The following SEZ6L variants were observed in gnomAD, a reference collection of about 807,000 sequenced individuals.
SEZ6L encodes seizure related 6 homolog like.
SEZ6L carries 37 observed loss-of-function variants against 106.2 expected under a neutral mutation model. That is an observed-to-expected ratio of 0.35 (90% CI 0.27 to 0.46). SEZ6L has a LOEUF of 0.46. Among genes scored for constraint, SEZ6L ranks in the 20% least tolerant of loss-of-function variants. The pLI, the probability that SEZ6L is intolerant of heterozygous loss-of-function variation, is 1.00. For synonymous variants in SEZ6L, 541 were observed against 570.4 expected (o/e 0.95, Z 0.73); for missense variants, 1,172 against 1,332.8 (o/e 0.88, Z 1.88).
intron 10 of SEZ6L, among the ~76,000 whole-genome samples, chr22:26,340,879 G>A (rs369119937): frequency 1.1e-4 from 16 of 152,216 alleles, no homozygotes; most frequent in African/African-American, 3.9e-4. Flanking sequence ...CCTTCTTTTT[G>A]TCATCTGTAA....
At chr22:26,250,340 A>G (rs1044672649) in intron 1 of SEZ6L, among the ~76,000 whole-genome samples, 1 of 152,148 alleles carries the variant, frequency 6.6e-6, no homozygotes, top group Non-Finnish European at 1.5e-5. Flanking sequence ...TGATTTTTGT[A>G]TATGATAAGA....
At chr22:26,245,973 C>G (rs950069438) in intron 1 of SEZ6L, among the ~76,000 whole-genome samples, 5 of 152,192 alleles carry the variant, frequency 3.3e-5, no homozygotes, top group Admixed American at 2.0e-4. Context: ...ACGTGAAACT[C>G]TATGCCAAAG....
intron 1 of SEZ6L, among the ~76,000 whole-genome samples, chr22:26,278,975 AGGGAGGGAGGG>A: frequency 8.9e-6 from 1 of 111,800 alleles, no homozygotes; most frequent in Non-Finnish European, 1.9e-5. Context: ...AGAGGAAGGG[AGGGAGGGAGGG>A]AGGAAGGAAG....
chr22:26,199,237 G>A lies in SEZ6L; in HGVS notation c.94+29474G>A, dbSNP rs138107631. 5.6e-4 allele frequency among the ~76,000 whole-genome samples: 86 copies of A among 152,242 alleles called. 1 individual carries two copies. In the East Asian group the frequency reaches 0.014, roughly 26 times the overall value. Reference sequence around the variant, plus strand: ...CAATTACTGAGTTAAAGCCTATGGCGCAAAAATGAAGAACCATACCCAGCG... The same window carrying A: ...CAATTACTGAGTTAAAGCCTATGGCACAAAAATGAAGAACCATACCCAGCG... On this transcript the variant is annotated intron_variant, in intron 1 of 16. Transcript: ENST00000248933.
rs897248631 is a variant in SEZ6L, at chr22:26,381,753, A to G, written c.*1458A>G. 3.7e-6 allele frequency: 1 copy of G among 267,414 alleles called. No homozygotes were observed. The highest frequency in any genetic ancestry group is 4.5e-5 in the Admixed American group (1 of 22,288). The allele number at this position is 267,414 out of a possible 1,614,324, so 16.6% of individuals were successfully genotyped here. A position where few individuals can be genotyped will look rare whatever the true frequency, so the allele number is the denominator to read the frequency against. ...GGTGCGGGTGCATGGAAGAAATACT[A>G]TGTGTGAAGCAGATTCACCTTCCTG... On this transcript the variant is annotated 3_prime_UTR_variant, in exon 17 of 17. Transcript: ENST00000248933.
rs1397999021 is a variant in SEZ6L, at chr22:26,377,757, C to T, written c.3027C>T (p.Asn1009=). The stretch of plus-strand genomic sequence containing the variant: ...TCACCGTGGAAACCGAGTTTGACAA[C>T]CCCATTTACGAGACAGGGGTGAGTT... ...SQITVETEFD[N]PIYETGETRE... Residue 1009 remains asparagine, a synonymous_variant, in exon 16 of 17, where the codon AAC becomes AAT. Coordinates refer to ENST00000248933, the MANE Select transcript of SEZ6L (RefSeq NM_021115.5). 1.2e-6 allele frequency: 2 copies of T among 1,612,936 alleles called. No homozygotes were observed. Among genetic ancestry groups the T allele is most frequent in the African/African-American group, 2.7e-5 (2 of 74,910 alleles).
At chr22:26,219,144 T>C (rs892077773) in intron 1 of SEZ6L, among the ~76,000 whole-genome samples, 4 of 151,920 alleles carry the variant, frequency 2.6e-5, no homozygotes, top group Non-Finnish European at 4.4e-5. Context: ...CTCCCTCCAC[T>C]AGCAAAGTAG....
At chr22:26,207,403 A>G (rs1168713913) in intron 1 of SEZ6L, among the ~76,000 whole-genome samples, 1 of 152,196 alleles carries the variant, frequency 6.6e-6, no homozygotes, top group East Asian at 1.9e-4. Context: ...TTCTTCATCA[A>G]TGAAATCAAA....
rs556756821 is a variant in SEZ6L, at chr22:26,175,155, G to A, written c.94+5392G>A. Among the ~76,000 whole-genome samples, 216 of 152,248 alleles carry A rather than the reference G, an allele frequency of 1.4e-3. 1 individual carries two copies. The highest frequency in any genetic ancestry group is 2.0e-3 in the Non-Finnish European group (136 of 68,020). On this transcript the variant is annotated intron_variant, in intron 1 of 16. Transcript: ENST00000248933. ...GGGATGGTGTGTGTTTGCCAGATGC[G>A]CATGGGATGTGTACTCAATGCCTAA...
chr22:26,368,745 T>TAAA lies in SEZ6L; in HGVS notation c.2794+3188_2794+3190dup, dbSNP rs60719551. Among the ~76,000 whole-genome samples the TAAA allele has an allele frequency of 3.5e-3, 528 of 148,920 alleles. 2 individuals are homozygous for TAAA. Among genetic ancestry groups the TAAA allele is most frequent in the Admixed American group, 5.6e-3 (84 of 14,990 alleles). The stretch of plus-strand genomic sequence containing the variant: ...TTATGTTATGTGAATTTTATCTACC[T>TAAA]AAAAAAAAAAACAATTCCCCTGAAT... On this transcript the variant is annotated intron_variant, in intron 13 of 16. Coordinates refer to ENST00000248933, the MANE Select transcript of SEZ6L (RefSeq NM_021115.5).
At chr22:26,310,261 C>T (rs986851940) in intron 6 of SEZ6L, among the ~76,000 whole-genome samples, 5 of 152,152 alleles carry the variant, frequency 3.3e-5, no homozygotes, top group Non-Finnish European at 4.4e-5. Context: ...CAGGACTGGG[C>T]GTGGTGGCTC....
In SEZ6L at chr22:26,377,795, C is replaced by T; in HGVS notation, c.3045+20C>T. On this transcript the variant is annotated intron_variant, in intron 16 of 16. Coordinates refer to ENST00000248933, the MANE Select transcript of SEZ6L (RefSeq NM_021115.5). ...ACAGGGGTGAGTTGGTCTCTCTCGTCTCTTCCCAATTCCCTCCCTCTTTGC... is the reference window on the plus strand; with the variant it reads ...ACAGGGGTGAGTTGGTCTCTCTCGTTTCTTCCCAATTCCCTCCCTCTTTGC... 6.6e-7 allele frequency: 1 copy of T among 1,524,064 alleles called. No individual in the cohort carries two copies. The highest frequency in any genetic ancestry group is 9.1e-7 in the Non-Finnish European group (1 of 1,098,124). 94.4% of individuals were successfully genotyped at this position (1,524,064 alleles called of 1,614,324 possible).
At chr22:26,276,553 A>G (rs772282517) in intron 1 of SEZ6L, among the ~76,000 whole-genome samples, 10 of 152,244 alleles carry the variant, frequency 6.6e-5, no homozygotes, top group Admixed American at 1.3e-4. Flanking sequence ...AATTCTCTAC[A>G]TAGGTAATTG....
chr22:26,236,136 C>T (rs560943783), intron 1 of SEZ6L, among the ~76,000 whole-genome samples: 1 of 152,334 alleles, frequency 6.6e-6, no homozygotes, highest in African/African-American at 2.4e-5. Flanking sequence ...CATGACTGTC[C>T]CTCCAGGTGG....
intron 1 of SEZ6L, among the ~76,000 whole-genome samples, chr22:26,224,798 G>A (rs1261590204): frequency 4.6e-5 from 7 of 152,132 alleles, no homozygotes; most frequent in Admixed American, 2.0e-4. Context: ...AAATAGTTAG[G>A]TAGATGTTGA....
chr22:26,351,548 G>GTTGGTTTGTTT lies in SEZ6L; in HGVS notation c.2599+305_2599+306insTTGGTTTGTTT, dbSNP rs1569475128. On this transcript the variant is annotated intron_variant, in intron 12 of 16. Transcript: ENST00000248933. ...TTGTTTGTTTGTTTGTTTGTTTGTT[G>GTTGGTTTGTTT]GTTGGTTGGTTGGTTTTAGATGGAA... is the stretch of plus-strand genomic sequence containing the variant. The GTTGGTTTGTTT allele has an allele frequency of 8.7e-3, 1,942 of 224,458 alleles. 46 individuals carry two copies. The highest frequency in any genetic ancestry group is 0.044 in the African/African-American group (1,852 of 42,456). The allele number at this position is 224,458 out of a possible 1,614,324, so 13.9% of individuals were successfully genotyped here.
At chr22:26,335,962 C>T (rs1423899831) in intron 9 of SEZ6L, among the ~76,000 whole-genome samples, 1 of 152,148 alleles carries the variant, frequency 6.6e-6, no homozygotes, top group African/African-American at 2.4e-5. Context: ...GACCACTCCC[C>T]TCAAGGCAGT....
At chr22:26,208,332 G>A (rs1398848599) in intron 1 of SEZ6L, among the ~76,000 whole-genome samples, 1 of 152,022 alleles carries the variant, frequency 6.6e-6, no homozygotes, top group African/African-American at 2.4e-5. Context: ...ATTTCTATTT[G>A]GTGTCATTTT....
At chr22:26,367,736 C>T (rs1444862844) in intron 13 of SEZ6L, among the ~76,000 whole-genome samples, 1 of 152,134 alleles carries the variant, frequency 6.6e-6, no homozygotes, top group African/African-American at 2.4e-5. Flanking sequence ...GAGTGTTCCT[C>T]CACTGCCTAC....
Sources: allele counts gnomAD v4.1 joint callset (sites outside exome capture counted in the v4.1 genomes callset), GRCh38; gene constraint gnomAD v4.1.1; transcripts MANE v1.5; gene names NCBI Gene and HGNC (gene_info 2026-07-23, HGNC 2026-07-21).